The following PDE1A variants were observed in gnomAD, a reference collection of about 807,000 sequenced individuals.
PDE1A encodes phosphodiesterase 1A, also known as dual specificity calcium/calmodulin-dependent 3',5'-cyclic nucleotide phosphodiesterase 1A.
A neutral mutation model predicts 61.7 loss-of-function variants in PDE1A; 35 were observed. That is an observed-to-expected ratio of 0.57 (90% confidence interval 0.43 to 0.75). The LOEUF is 0.75. PDE1A is among the 30% of genes least tolerant of loss of function. The pLI is 0.00. For missense variants in PDE1A, 597 were observed against 630.6 expected (o/e 0.95, Z 0.57); for synonymous variants, 232 against 213.2 (o/e 1.09, Z -0.77).
At chr2:182,369,834 T>G (rs1387735372) in intron 1 of PDE1A, among the ~76,000 whole-genome samples, 4 of 152,194 alleles carry the variant, frequency 2.6e-5, no homozygotes, top group Non-Finnish European at 5.9e-5. Context: ...AGGTTAGAGA[T>G]AAACTCATTA....
At chr2:182,319,032 T>C (rs1042176762) in intron 1 of PDE1A, among the ~76,000 whole-genome samples, 1 of 152,176 alleles carries the variant, frequency 6.6e-6, no homozygotes, top group African/African-American at 2.4e-5. Context: ...TTACCTTTCA[T>C]GCCTTCATGT....
intron 1 of PDE1A, among the ~76,000 whole-genome samples, chr2:182,305,265 C>G (rs1175682174): frequency 6.6e-6 from 1 of 152,072 alleles, no homozygotes; most frequent in Non-Finnish European, 1.5e-5. Context: ...AACTAATCTC[C>G]AGGTACCTCA....
intron 1 of PDE1A, among the ~76,000 whole-genome samples, chr2:182,355,479 A>G (rs1699124645): frequency 6.6e-6 from 1 of 152,034 alleles, no homozygotes; most frequent in Non-Finnish European, 1.5e-5. Context: ...GTTTGAAGAT[A>G]AAATTGTAAC....
intron 1 of PDE1A, among the ~76,000 whole-genome samples, chr2:182,351,626 C>A (rs908438060): frequency 6.6e-6 from 1 of 152,136 alleles, no homozygotes; most frequent in African/African-American, 2.4e-5. Flanking sequence ...TGTCACAAAC[C>A]AATCATTTCA....
chr2:182,440,877 T>A (rs1043298193), intron 2 of PDE1A, among the ~76,000 whole-genome samples: 1 of 152,066 alleles, frequency 6.6e-6, no homozygotes, highest in African/African-American at 2.4e-5. Context: ...TTAGTATGCC[T>A]AAGCACTGAG....
chr2:182,597,451 C>T, the PDE1A span, among the ~76,000 whole-genome samples: 3 of 152,100 alleles, frequency 2.0e-5, no homozygotes, highest in Admixed American at 6.6e-5. Context: ...GAAGCCAGCG[C>T]TTGCAGGCTA....
chr2:182,261,527 T>C (rs1346581270), intron 2 of PDE1A, among the ~76,000 whole-genome samples: 1 of 152,138 alleles, frequency 6.6e-6, no homozygotes, highest in Non-Finnish European at 1.5e-5. Flanking sequence ...TTAGGAATAA[T>C]GTGGTGTTAA....
chr2:182,686,849 A>T, the PDE1A span, among the ~76,000 whole-genome samples: 2 of 152,192 alleles, frequency 1.3e-5, no homozygotes, highest in African/African-American at 4.8e-5. Flanking sequence ...CGCTTTTCCA[A>T]TGGTCTTAGC....
At chr2:182,490,877 T>A (rs1358753754) in intron 2 of PDE1A, among the ~76,000 whole-genome samples, 1 of 152,042 alleles carries the variant, frequency 6.6e-6, no homozygotes, top group Non-Finnish European at 1.5e-5. Flanking sequence ...CAGAAAATAA[T>A]GCAAAGTGTA....
intron 1 of PDE1A, among the ~76,000 whole-genome samples, chr2:182,299,866 G>A (rs1041358989): frequency 3.9e-5 from 6 of 152,070 alleles, no homozygotes; most frequent in African/African-American, 1.2e-4. Context: ...TGATCATTTC[G>A]ACATCCTTCA....
At chr2:182,572,121 T>C in the PDE1A span, among the ~76,000 whole-genome samples, 1 of 152,188 alleles carries the variant, frequency 6.6e-6, no homozygotes, top group African/African-American at 2.4e-5. Flanking sequence ...GTGCCTGACA[T>C]TGAGCAAATG....
the PDE1A span, among the ~76,000 whole-genome samples, chr2:182,542,096 T>G: frequency 1.3e-5 from 2 of 152,200 alleles, no homozygotes; most frequent in African/African-American, 4.8e-5. Flanking sequence ...AAATTTTATG[T>G]GATTATAAAA....
chr2:182,397,117 C>T (rs564342891), intron 1 of PDE1A, among the ~76,000 whole-genome samples: 1 of 152,118 alleles, frequency 6.6e-6, no homozygotes, highest in Non-Finnish European at 1.5e-5. Context: ...TGTTCCCATG[C>T]CTTTCTGCAT....
chr2:182,287,427 G>T (rs982039791), intron 1 of PDE1A, among the ~76,000 whole-genome samples: 1 of 151,962 alleles, frequency 6.6e-6, no homozygotes, highest in Non-Finnish European at 1.5e-5. Flanking sequence ...TATCTATCAC[G>T]TCTATTTACC....
the PDE1A span, among the ~76,000 whole-genome samples, chr2:182,587,230 A>C: frequency 3.9e-5 from 6 of 152,192 alleles, no homozygotes; most frequent in Non-Finnish European, 8.8e-5. Flanking sequence ...TATTCTGAGG[A>C]TAATGATGAG....
At chr2:182,155,506 A>T (rs1358735361) in intron 13 of PDE1A, among the ~76,000 whole-genome samples, 1 of 152,196 alleles carries the variant, frequency 6.6e-6, no homozygotes, top group Non-Finnish European at 1.5e-5. Flanking sequence ...TAGGATAAAC[A>T]TGTATAATTC....
chr2:182,241,879 A>G, intron 2 of PDE1A: 1 of 1,546,908 alleles, frequency 6.5e-7, no homozygotes. Flanking sequence ...GAACTAGAAA[A>G]TTAAAGCAAA....
chr2:182,623,513 T>A, the PDE1A span, among the ~76,000 whole-genome samples: 1 of 151,896 alleles, frequency 6.6e-6, no homozygotes, highest in Non-Finnish European at 1.5e-5. Context: ...CAGAAGAGAG[T>A]GTCCTCATAG....
chr2:182,145,613 C>T (rs1266382267), downstream of PDE1A, among the ~76,000 whole-genome samples: 2 of 152,042 alleles, frequency 1.3e-5, no homozygotes, highest in East Asian at 3.9e-4. Context: ...CCTGTAGTCC[C>T]AGCTACTTGC....
Sources: gnomAD v4.1 joint callset for allele counts (sites outside exome capture counted in the v4.1 genomes callset) on GRCh38, gnomAD v4.1.1 for gene constraint, MANE v1.5 for transcripts, NCBI Gene and HGNC (gene_info 2026-07-23, HGNC 2026-07-21) for gene names.